Variants in CELF2 observed in about 807,000 individuals in gnomAD.
CELF2 encodes the protein CUGBP Elav-like family member 2.
A neutral mutation model predicts 62.6 loss-of-function variants in CELF2; 8 were observed. The ratio of observed to expected loss-of-function variants is 0.13; its 90% CI spans 0.07 to 0.23. The LOEUF (loss-of-function observed/expected upper bound fraction) is 0.23, where lower values mean the gene tolerates loss of function less well. Among genes scored for constraint, CELF2 ranks in the 10% least tolerant of loss-of-function variants. The pLI is 1.00. For missense variants in CELF2, 333 were observed against 671.0 expected, an observed-to-expected ratio of 0.50 and a Z score of 5.56; for synonymous variants, 258 against 250.0, an observed-to-expected ratio of 1.03 and a Z score of -0.30.
chr10:10,706,174 A>C, the CELF2 span, among the ~76,000 whole-genome samples: 45 of 152,302 alleles, frequency 3.0e-4, no homozygotes, highest in African/African-American at 9.4e-4. Flanking sequence ...TGCTTCTTTC[A>C]GGAAGCCAAG....
rs2050881666 is a variant in CELF2 at position 10,972,704 on chromosome 10, G to C, written c.89+52705G>C. ...TCTGCCTCCTCACCTGGCTGCTCCTGGGGCACTTCAAACTCAACGAGCCTC... is the reference window on the plus strand; with the variant it reads ...TCTGCCTCCTCACCTGGCTGCTCCTCGGGCACTTCAAACTCAACGAGCCTC... On this transcript the variant is annotated intron_variant, in intron 2 of 13. Transcript: ENST00000636488. The surrounding 1 kb of genome is among the most constrained non-coding windows in gnomAD (Gnocchi z 4.4). Among the ~76,000 whole-genome samples the C allele has an allele frequency of 6.6e-6, 1 of 152,114 alleles. No individual in the cohort carries two copies. The highest frequency in any genetic ancestry group is 6.5e-5 in the Admixed American group (1 of 15,276).
At chr10:11,167,099 A>G (rs963383670) in intron 2 of CELF2, among the ~76,000 whole-genome samples, 10 of 152,252 alleles carry the variant, frequency 6.6e-5, no homozygotes, top group Non-Finnish European at 4.4e-5. Flanking sequence ...AAGATCAGAT[A>G]ACTGAGAATC....
At chr10:11,027,411 G>A (rs1392144943) in intron 1 of CELF2, among the ~76,000 whole-genome samples, 1 of 152,112 alleles carries the variant, frequency 6.6e-6, no homozygotes. Flanking sequence ...TACTTCTGGT[G>A]TCTTAGAGTC....
intron 1 of CELF2, among the ~76,000 whole-genome samples, chr10:11,050,947 G>A (rs2140038271): frequency 6.6e-6 from 1 of 152,262 alleles, no homozygotes; most frequent in Non-Finnish European, 1.5e-5. Flanking sequence ...CCTCCATAAA[G>A]CTTCCACTGT....
intron 2 of CELF2, among the ~76,000 whole-genome samples, chr10:10,939,401 T>G (rs1217955939): frequency 1.3e-5 from 2 of 152,058 alleles, no homozygotes; most frequent in Admixed American, 1.3e-4. Context: ...TTCTCTTGCC[T>G]CAGCCTCCCA....
intron 1 of CELF2, among the ~76,000 whole-genome samples, chr10:10,866,567 T>A (rs1000209275): frequency 1.5e-5 from 2 of 135,712 alleles, no homozygotes; most frequent in Non-Finnish European, 3.0e-5. Context: ...ATCGTGCCAC[T>A]GCACTCCAGT....
intron 1 of CELF2, among the ~76,000 whole-genome samples, chr10:10,826,752 A>G (rs185996885): frequency 1.5e-3 from 223 of 152,330 alleles, no homozygotes; most frequent in African/African-American, 5.3e-3. Context: ...TTCAAAGATA[A>G]AGAATGCTTT....
At chr10:11,077,075 G>A (rs996212948) in intron 1 of CELF2, among the ~76,000 whole-genome samples, 4 of 152,142 alleles carry the variant, frequency 2.6e-5, no homozygotes, top group Non-Finnish European at 5.9e-5. Context: ...CCTATAAAAC[G>A]GTGATTTCCC....
chr10:10,524,818 G>C, the CELF2 span, among the ~76,000 whole-genome samples: 1 of 152,052 alleles, frequency 6.6e-6, no homozygotes, highest in Non-Finnish European at 1.5e-5. Flanking sequence ...AATATAGCAC[G>C]TGTATTTCTG....
At chr10:11,273,694 CAAAT>C (rs1300585101) in intron 7 of CELF2, among the ~76,000 whole-genome samples, 6 of 151,916 alleles carry the variant, frequency 3.9e-5, no homozygotes, top group Non-Finnish European at 8.8e-5. Context: ...TCACGAGCCC[CAAAT>C]AAATTCTGAA....
At position 11,330,914 on chromosome 10, in the gene CELF2, A is replaced by G. The variant is rs1439641598; in HGVS notation, c.*1861A>G. On this transcript the variant is annotated 3_prime_UTR_variant, in exon 13 of 13. Transcript: ENST00000633077. The surrounding 1 kb of genome is among the most constrained non-coding windows in gnomAD (Gnocchi z 4.5). ...AAAAACTGTCTGATTTTAAGTCTCT[A>G]GAGGTCTGTAATAGTTTTTACATTT... is the stretch of plus-strand genomic sequence containing the variant. 6.6e-6 allele frequency: 1 copy of G among 152,626 alleles called. No homozygotes were observed. The highest frequency in any genetic ancestry group is 1.5e-5 in the Non-Finnish European group (1 of 68,040). 9.5% of individuals were successfully genotyped at this position (152,626 alleles called of 1,614,324 possible).
At chr10:10,816,860 G>A (rs1383890225) in intron 1 of CELF2, among the ~76,000 whole-genome samples, 1 of 152,206 alleles carries the variant, frequency 6.6e-6, no homozygotes, top group African/African-American at 2.4e-5. Flanking sequence ...GGCTGTACTG[G>A]AGTCTTCAAC....
upstream of CELF2, among the ~76,000 whole-genome samples, chr10:11,016,311 G>A (rs143582992): frequency 2.0e-5 from 3 of 152,266 alleles, no homozygotes; most frequent in African/African-American, 7.2e-5. This position sits in a 1 kb window ranked among gnomAD's most constrained non-coding sequence, Gnocchi z 5.2. Context: ...CAGTTCCTTA[G>A]GAGCCCAGAC....
the CELF2 span, among the ~76,000 whole-genome samples, chr10:10,516,067 C>G: frequency 2.0e-5 from 3 of 152,036 alleles, no homozygotes; most frequent in African/African-American, 7.3e-5. Flanking sequence ...TGATTCCAAG[C>G]AAAGAAACTC....
chr10:10,829,885 GTTTGCAAAT>G (rs1019718317), intron 1 of CELF2, among the ~76,000 whole-genome samples: 2 of 152,168 alleles, frequency 1.3e-5, no homozygotes, highest in African/African-American at 4.8e-5. Context: ...GTTTCAGGCA[GTTTGCAAAT>G]TTTTGGAACT....
intron 2 of CELF2, among the ~76,000 whole-genome samples, chr10:10,967,257 G>C (rs1245620822): frequency 6.6e-6 from 1 of 152,216 alleles, no homozygotes; most frequent in Admixed American, 6.5e-5. Flanking sequence ...GGATTGGGCT[G>C]AAACTCAATG....
the CELF2 span, among the ~76,000 whole-genome samples, chr10:10,583,228 A>G: frequency 6.6e-6 from 1 of 152,152 alleles, no homozygotes; most frequent in Non-Finnish European, 1.5e-5. Context: ...AACACCTGGA[A>G]TTTATTTATC....
At chr10:10,979,863 T>C (rs1181871685) in intron 2 of CELF2, among the ~76,000 whole-genome samples, 3 of 152,100 alleles carry the variant, frequency 2.0e-5, no homozygotes, top group South Asian at 4.1e-4. Flanking sequence ...AGGAAAACTA[T>C]GTAATTGCAA....
the CELF2 span, among the ~76,000 whole-genome samples, chr10:10,525,477 TA>T: frequency 1.3e-5 from 2 of 152,198 alleles, no homozygotes; most frequent in African/African-American, 4.8e-5. Flanking sequence ...ATCCCTACCC[TA>T]GACCAACATC....
Sources: gnomAD v4.1 joint callset for allele counts (sites outside exome capture counted in the v4.1 genomes callset) on GRCh38, gnomAD v4.1.1 for gene constraint, Gnocchi (gnomAD v3.1) non-coding constraint, MANE v1.5 for transcripts, NCBI Gene and HGNC (gene_info 2026-07-23, HGNC 2026-07-21) for gene names.